The following IQCK variants were observed in gnomAD, a reference collection of about 807,000 sequenced individuals.
IQCK encodes the protein IQ domain-containing protein K.
IQCK carries 29 observed loss-of-function variants against 28.1 expected under a neutral mutation model. The observed-to-expected ratio is 1.03, with a 90% CI of 0.77 to 1.41. The LOEUF is 1.41. IQCK is among the 40% of genes most tolerant of loss of function. The pLI, the probability that IQCK is intolerant of heterozygous loss-of-function variation, is 0.00. For missense variants in IQCK, 359 were observed against 314.7 expected (o/e 1.14, Z -1.07); for synonymous variants, 113 against 115.1 (o/e 0.98, Z 0.12).
At chr16:19,729,829 A>G (rs1436971488) in intron 1 of IQCK, among the ~76,000 whole-genome samples, 2 of 150,904 alleles carry the variant, frequency 1.3e-5, no homozygotes, top group Non-Finnish European at 3.0e-5. Flanking sequence ...TATTTTTAGT[A>G]GAGATGGGGT....
intron 9 of IQCK, among the ~76,000 whole-genome samples, chr16:19,856,017 C>T (rs974651956): frequency 3.3e-5 from 5 of 152,108 alleles, no homozygotes; most frequent in East Asian, 1.9e-4. Context: ...AGGAAATCAC[C>T]GAGATCAGGT....
chr16:19,792,592 A>T, intron 7 of IQCK, among the ~76,000 whole-genome samples: 1 of 83,740 alleles, frequency 1.2e-5, no homozygotes, highest in Non-Finnish European at 1.9e-5. Flanking sequence ...TTTTTTTGAG[A>T]CGGAGTTTTG....
intron 7 of IQCK, among the ~76,000 whole-genome samples, chr16:19,806,825 G>A (rs770991500): frequency 7.9e-5 from 12 of 151,798 alleles, no homozygotes; most frequent in Non-Finnish European, 1.6e-4. Flanking sequence ...TTTGGATGCT[G>A]GAACTTTGGA....
At chr16:19,833,115 C>T (rs2056253575) in intron 9 of IQCK, among the ~76,000 whole-genome samples, 1 of 152,154 alleles carries the variant, frequency 6.6e-6, no homozygotes, top group Non-Finnish European at 1.5e-5. Context: ...GTGGTGAGGA[C>T]ACTTAAAATC....
At chr16:19,793,643 G>GTTTTTTTTTTTTTT (rs1285541664) in intron 7 of IQCK, among the ~76,000 whole-genome samples, 2 of 61,798 alleles carry the variant, frequency 3.2e-5, no homozygotes, top group African/African-American at 7.8e-5. Flanking sequence ...TCTCAGTTGG[G>GTTTTTTTTTTTTTT]TTTTTTTTTT....
chr16:19,777,714 T>A (rs1231406629), intron 6 of IQCK, among the ~76,000 whole-genome samples: 3 of 152,174 alleles, frequency 2.0e-5, no homozygotes, highest in Non-Finnish European at 4.4e-5. Flanking sequence ...CACTCAGTAC[T>A]GCTTCCGTTC....
chr16:19,753,493 G>T (rs2055013989), intron 4 of IQCK, among the ~76,000 whole-genome samples: 1 of 152,096 alleles, frequency 6.6e-6, no homozygotes, highest in Admixed American at 6.6e-5. Context: ...TAGGGGAATT[G>T]TGATTTAGTG....
intron 4 of IQCK, among the ~76,000 whole-genome samples, chr16:19,742,113 G>A (rs1445194129): frequency 6.6e-6 from 1 of 152,168 alleles, no homozygotes; most frequent in Non-Finnish European, 1.5e-5. Context: ...TAATCCGTGA[G>A]CCTCAGTTTC....
chr16:19,752,778 G>A (rs1198010989), intron 4 of IQCK, among the ~76,000 whole-genome samples: 1 of 152,102 alleles, frequency 6.6e-6, no homozygotes, highest in Non-Finnish European at 1.5e-5. Flanking sequence ...TGGCCAGGCT[G>A]GTCTCGAATT....
rs537156102 is a variant in IQCK, at chr16:19,810,048, G to GT, written c.691-16970dup. 8.5e-4 allele frequency among the ~76,000 whole-genome samples: 129 copies of GT among 152,038 alleles called. 1 individual carries two copies. Among genetic ancestry groups the GT allele is most frequent in the Non-Finnish European group, 1.3e-3 (88 of 67,966 alleles). On this transcript the variant is annotated intron_variant, in intron 7 of 7. Transcript: ENST00000564186. ...GGTGGTACGACTCAGCCTTCAGTGG[G>GT]TTTTTTTTAGAGCACCCCCAAGAGA...
intron 7 of IQCK, among the ~76,000 whole-genome samples, chr16:19,806,921 G>C (rs1436165027): frequency 1.3e-5 from 2 of 152,076 alleles, no homozygotes; most frequent in Non-Finnish European, 2.9e-5. Flanking sequence ...CATCCACAGT[G>C]ACTCCCCAAT....
intron 4 of IQCK, among the ~76,000 whole-genome samples, chr16:19,739,192 C>T (rs1278130955): frequency 6.6e-6 from 1 of 152,184 alleles, no homozygotes; most frequent in Non-Finnish European, 1.5e-5. Context: ...AACAAAGACA[C>T]AGTTGTAAGG....
intron 7 of IQCK, among the ~76,000 whole-genome samples, chr16:19,826,146 A>G (rs1450273104): frequency 6.6e-6 from 1 of 151,896 alleles, no homozygotes; most frequent in Non-Finnish European, 1.5e-5. Flanking sequence ...AGCTGGGACT[A>G]CAGGTGTTCA....
intron 6 of IQCK, among the ~76,000 whole-genome samples, chr16:19,784,158 C>T (rs766163855): frequency 1.5e-4 from 23 of 152,182 alleles, no homozygotes; most frequent in Non-Finnish European, 3.2e-4. Flanking sequence ...CAAGTTATTA[C>T]TGTAAAGTTC....
chr16:19,724,753 C>T (rs11865145), intron 1 of IQCK, among the ~76,000 whole-genome samples: 2,822 of 152,180 alleles, frequency 0.019, 72 homozygotes, highest in African/African-American at 0.064. Flanking sequence ...AGGATGGTCT[C>T]AATCTCCTGA....
At chr16:19,744,159 T>G (rs2054874162) in intron 4 of IQCK, among the ~76,000 whole-genome samples, 1 of 152,234 alleles carries the variant, frequency 6.6e-6, no homozygotes, top group Non-Finnish European at 1.5e-5. Flanking sequence ...GTCACTCATC[T>G]TGTGATTCTT....
At chr16:19,839,247 A>G (rs2056336262) in intron 9 of IQCK, among the ~76,000 whole-genome samples, 1 of 150,978 alleles carries the variant, frequency 6.6e-6, no homozygotes, top group Non-Finnish European at 1.5e-5. Context: ...TGCAACCTCC[A>G]CCTCCAGGGT....
chr16:19,802,820 G>A (rs983631960), intron 7 of IQCK, among the ~76,000 whole-genome samples: 6 of 152,160 alleles, frequency 3.9e-5, no homozygotes, highest in African/African-American at 1.4e-4. Context: ...ACGTGTTTGG[G>A]TGTGTGCGTA....
At chr16:19,856,564 A>G in exon 10 of IQCK, 2 of 1,607,540 alleles carry the variant, frequency 1.2e-6, no homozygotes, top group Non-Finnish European at 1.7e-6. Flanking sequence ...GCTAAGACGT[A>G]TCTTTGCCCA....
Sources: gnomAD v4.1 joint callset for allele counts (sites outside exome capture counted in the v4.1 genomes callset) on GRCh38, gnomAD v4.1.1 for gene constraint, MANE v1.5 for transcripts, NCBI Gene and HGNC (gene_info 2026-07-23, HGNC 2026-07-21) for gene names.